Variants in UBA5 observed in about 807,000 individuals in gnomAD.
UBA5 encodes ubiquitin-like modifier-activating enzyme 5.
UBA5 carries 28 observed loss-of-function variants against 52.9 expected under a neutral mutation model. That is an observed-to-expected ratio of 0.53 (90% CI 0.39 to 0.73). UBA5 has a LOEUF of 0.73. Ranked by LOEUF, UBA5 falls within the 30% of genes least tolerant of loss-of-function variation. UBA5 has a pLI of 0.00. For missense variants in UBA5, 388 were observed against 492.7 expected, an observed-to-expected ratio of 0.79 and a Z score of 2.01; for synonymous variants, 135 against 162.1, an observed-to-expected ratio of 0.83 and a Z score of 1.27.
chr3:132,676,604 A>G lies in UBA5; in HGVS notation c.*78A>G, dbSNP rs1357142939. 3 of 961,296 alleles carry G rather than the reference A, an allele frequency of 3.1e-6. No homozygotes were observed. The East Asian group carries it at 7.5e-5, about 24-fold the overall frequency. The allele number at this position is 961,296 out of a possible 1,614,324, so 59.5% of individuals were successfully genotyped here. A position where few individuals can be genotyped will look rare whatever the true frequency, so the allele number is the denominator to read the frequency against. ...ATTAAAAAAAAATTTTAACTGATAAAACTTAGGGCAACATTAATTAATGTA... is the reference window on the plus strand; with the variant it reads ...ATTAAAAAAAAATTTTAACTGATAAGACTTAGGGCAACATTAATTAATGTA... On this transcript the variant is annotated 3_prime_UTR_variant, in exon 12 of 12. Coordinates refer to ENST00000356232, the MANE Select transcript of UBA5 (RefSeq NM_024818.6). The surrounding 1 kb of genome is among the most constrained non-coding windows in gnomAD (Gnocchi z 4.1).
rs1267722931 is a variant in UBA5, at chr3:132,676,394, G to A, written c.1132-49G>A. ...CTGATTATATATTCCTAAGCATCAA[G>A]AATTCTATATGGTTCTTTTTTCACT... On this transcript the variant is annotated intron_variant, in intron 11 of 11. Transcript: ENST00000356232. This position sits in a 1 kb window ranked among gnomAD's most constrained non-coding sequence, Gnocchi z 4.1. The A allele has an allele frequency of 1.4e-6, 2 of 1,458,488 alleles. No individual in the cohort carries two copies. Among genetic ancestry groups the A allele is most frequent in the Non-Finnish European group, 1.9e-6 (2 of 1,055,042 alleles). The allele number at this position is 1,458,488 out of a possible 1,614,324, so 90.3% of individuals were successfully genotyped here. A position where few individuals can be genotyped will look rare whatever the true frequency, so the allele number is the denominator to read the frequency against.
intron 5 of UBA5, chr3:132,670,562 A>G (rs1449973352): frequency 4.2e-6 from 1 of 238,964 alleles, no homozygotes; most frequent in Non-Finnish European, 7.9e-6. Flanking sequence ...GTTCTAGATT[A>G]TATTTCTGTC....
upstream of UBA5, among the ~76,000 whole-genome samples, chr3:132,658,748 TAGTC>T (rs1937953712): frequency 6.6e-6 from 1 of 152,222 alleles, no homozygotes; most frequent in Non-Finnish European, 1.5e-5. Flanking sequence ...CCAAAATCAG[TAGTC>T]AAAGAATATA....
Position 132,676,567 on chromosome 3 carries a change from T to C in UBA5, c.*41T>C. The C allele has an allele frequency of 6.8e-7, 1 of 1,475,522 alleles. No homozygotes were observed. Among genetic ancestry groups the C allele is most frequent in the Non-Finnish European group, 9.3e-7 (1 of 1,080,636 alleles). The allele number at this position is 1,475,522 out of a possible 1,614,324, so 91.4% of individuals were successfully genotyped here. ...ATATTGTATTTCTCATGTTAAAGCCTCTTCCCTTGAAATTAAAAAAAAATT... is the reference window on the plus strand; with the variant it reads ...ATATTGTATTTCTCATGTTAAAGCCCCTTCCCTTGAAATTAAAAAAAAATT... On this transcript the variant is annotated 3_prime_UTR_variant, in exon 12 of 12. Coordinates refer to ENST00000356232, the MANE Select transcript of UBA5 (RefSeq NM_024818.6). This position sits in a 1 kb window ranked among gnomAD's most constrained non-coding sequence, Gnocchi z 4.1.
intron 5 of UBA5, 182 bp from the exon 6 acceptor site, chr3:132,670,774 ATCATTGATG>A: frequency 2.5e-6 from 1 of 400,070 alleles, no homozygotes; most frequent in Non-Finnish European, 4.4e-6. Context: ...ATACTGTAGT[ATCATTGATG>A]TTATATTCAT....
In UBA5 at chr3:132,660,566, A is replaced by G; in HGVS notation, c.29A>G (p.Gln10Arg). 1.3e-6 allele frequency: 2 copies of G among 1,550,390 alleles called. No individual in the cohort carries two copies. Among genetic ancestry groups the G allele is most frequent in the Middle Eastern group, 2.0e-4 (1 of 4,946 alleles). ...GCGGAGTCTGTGGAGCGCCTGCAGC[A>G]GCGGGTCCAGGAGCTGGAGCGGGAA... MAESVERLQQRVQELERELA... is the reference protein window; with the variant it reads MAESVERLQRRVQELERELA... Residue 10 changes from glutamine (Q) to arginine (R), a missense_variant, in exon 1 of 12, where the codon CAG becomes CGG. Coordinates refer to ENST00000356232, the MANE Select transcript of UBA5 (RefSeq NM_024818.6). This position sits in a 1 kb window ranked among gnomAD's most constrained non-coding sequence, Gnocchi z 4.1.
At chr3:132,659,387 A>G (rs1269721782), upstream of UBA5, 1 of 584,092 alleles carries the variant, frequency 1.7e-6, no homozygotes, top group African/African-American at 1.9e-5. Flanking sequence ...TAGAATGGTG[A>G]ACGTTATTGC....
At chr3:132,669,145 TGTTA>T (rs1408171077) in intron 4 of UBA5, among the ~76,000 whole-genome samples, 2 of 152,238 alleles carry the variant, frequency 1.3e-5, no homozygotes, top group Non-Finnish European at 2.9e-5. Flanking sequence ...CTGTTGGAAC[TGTTA>T]GTTGCAGTTT....
chr3:132,674,938 A>G (rs981045807), intron 8 of UBA5, among the ~76,000 whole-genome samples: 16 of 152,148 alleles, frequency 1.1e-4, no homozygotes, highest in African/African-American at 3.9e-4. Context: ...ATGCTTCTTG[A>G]AGTTGTTGAC....
chr3:132,665,991 G>T lies in UBA5; in HGVS notation c.215G>T (p.Arg72Leu), dbSNP rs150313260. 1.2e-6 allele frequency: 2 copies of T among 1,613,430 alleles called. No individual in the cohort carries two copies. Among genetic ancestry groups the T allele is most frequent in the East Asian group, 4.5e-5 (2 of 44,854 alleles). Residue 72 changes from arginine to leucine, a missense_variant, in exon 3 of 12, where the codon CGT becomes CTT. Arg to Leu is a moderately radical substitution (Grantham distance 102). This residue lies in a region of UBA5 where 95 missense variants were observed against 107.0 expected (regional missense o/e 0.89). Transcript: ENST00000356232. ...MGIVSDYEKI[R>L]TFAVAIVGVG... The stretch of plus-strand genomic sequence containing the variant: ...CTATTTTATATTTCACAGAAAATCC[G>T]TACCTTTGCCGTAGCAATAGTAGGT...
Position 132,675,386 on chromosome 3 carries a change from ATATGACAATC to A in UBA5, c.948+5_948+14del. 6.2e-7 allele frequency: 1 copy of A among 1,613,292 alleles called. No individual in the cohort carries two copies. The highest frequency in any genetic ancestry group is 8.5e-7 in the Non-Finnish European group (1 of 1,179,638). The stretch of plus-strand genomic sequence containing the variant: ...GGAAGCAGCAGGAGGAATATAAGGT[ATATGACAATC>A]TGTTAGAATGCATGAGGGATCATAT... On this transcript the variant is annotated splice_donor_5th_base_variant and intron_variant, in intron 9 of 11. Coordinates refer to ENST00000356232, the MANE Select transcript of UBA5 (RefSeq NM_024818.6).
chr3:132,660,703 C>T lies in UBA5; in HGVS notation c.161+5C>T. On this transcript the variant is annotated splice_donor_5th_base_variant and intron_variant, in intron 1 of 11. Coordinates refer to ENST00000356232, the MANE Select transcript of UBA5 (RefSeq NM_024818.6). The surrounding 1 kb of genome is among the most constrained non-coding windows in gnomAD (Gnocchi z 4.1). ...GGTGGATTCGAATCCCTACAGGTAA[C>T]CTGCGTCGCCGGTCGGAGGCAGGCG... 6.5e-7 allele frequency: 1 copy of T among 1,538,468 alleles called. No individual in the cohort carries two copies. Among genetic ancestry groups the T allele is most frequent in the South Asian group, 1.2e-5 (1 of 82,800 alleles).
chr3:132,660,223 C>G (rs903524011), upstream of UBA5: 8 of 508,762 alleles, frequency 1.6e-5, no homozygotes, highest in African/African-American at 1.4e-4. The surrounding 1 kb of genome is among the most constrained non-coding windows in gnomAD (Gnocchi z 4.1). Flanking sequence ...GCCTCCTGCC[C>G]TGGACACTTA....
In UBA5 at chr3:132,676,481, T is replaced by A. The variant is rs1377848846; in HGVS notation, c.1170T>A (p.Ser390=). Residue 390 remains serine (S), a synonymous_variant, in exon 12 of 12, where the codon TCT becomes TCA. Coordinates refer to ENST00000356232, the MANE Select transcript of UBA5 (RefSeq NM_024818.6). The surrounding 1 kb of genome is among the most constrained non-coding windows in gnomAD (Gnocchi z 4.1). The part of the protein sequence containing the change: ...DSVTELTVED[S]GESLEDLMAK... ...TCACTGAGTTAACAGTGGAAGATTC[T>A]GGTGAAAGCTTGGAAGACCTCATGG... 6.2e-7 allele frequency: 1 copy of A among 1,611,352 alleles called. No homozygotes were observed. The highest frequency in any genetic ancestry group is 2.2e-5 in the East Asian group (1 of 44,764).
Position 132,670,197 on chromosome 3 carries a change from G to C in UBA5, c.408-1G>C. The C allele has an allele frequency of 7.1e-7, 1 of 1,417,536 alleles. No homozygotes were observed. The highest frequency in any genetic ancestry group is 2.3e-5 in the East Asian group (1 of 42,842). The allele number at this position is 1,417,536 out of a possible 1,614,324, so 87.8% of individuals were successfully genotyped here. On this transcript the variant is annotated splice_acceptor_variant, in intron 4 of 11. Coordinates refer to ENST00000356232, the MANE Select transcript of UBA5 (RefSeq NM_024818.6). LOFTEE classifies it high-confidence loss of function. ...ATAATCATTCCCTTTTTCCTTCTTA[G>C]GAACATTAATCCTGATGTTCTTTTT...
chr3:132,656,665 C>T (rs1026924089), upstream of UBA5, among the ~76,000 whole-genome samples: 2 of 151,700 alleles, frequency 1.3e-5, no homozygotes, highest in Non-Finnish European at 2.9e-5. Context: ...CAGCTAATTT[C>T]GTATTTTTAG....
chr3:132,655,070 C>A (rs1300197320), intron 1 of UBA5, among the ~76,000 whole-genome samples: 1 of 152,156 alleles, frequency 6.6e-6, no homozygotes, highest in Non-Finnish European at 1.5e-5. Context: ...AGTAAAAACA[C>A]AGTATTATAA....
At chr3:132,673,635 A>T (rs1045881534) in intron 8 of UBA5, among the ~76,000 whole-genome samples, 2 of 150,302 alleles carry the variant, frequency 1.3e-5, no homozygotes, top group African/African-American at 4.9e-5. Context: ...GGCGTGAGCC[A>T]CTGTGCCCAG....
At chr3:132,656,268 C>T (rs1037811632), upstream of UBA5, among the ~76,000 whole-genome samples, 2 of 152,076 alleles carry the variant, frequency 1.3e-5, no homozygotes, top group African/African-American at 4.8e-5. Context: ...TTTGCTATTA[C>T]AAACAGTACA....
Sources: allele counts gnomAD v4.1 joint callset (sites outside exome capture counted in the v4.1 genomes callset), GRCh38; gene constraint gnomAD v4.1.1; regional missense constraint gnomAD v4.1.1; non-coding constraint Gnocchi (gnomAD v3.1); transcripts MANE v1.5; gene names NCBI Gene and HGNC (gene_info 2026-07-23, HGNC 2026-07-21).